ANKRD37: variants seen among roughly 807,000 people sequenced by gnomAD.
The protein encoded by ANKRD37 is ankyrin repeat domain 37.
In ANKRD37, 17 loss-of-function variants were observed where a neutral mutation model predicts 19.7. The observed-to-expected ratio is 0.86, with a 90% CI of 0.59 to 1.29. The LOEUF is 1.29. Among genes scored for constraint, ANKRD37 ranks in the 50% most tolerant of loss-of-function variants. The pLI, the probability that ANKRD37 is intolerant of heterozygous loss-of-function variation, is 0.00. For missense variants in ANKRD37, 207 were observed against 190.4 expected (o/e 1.09, Z -0.51); for synonymous variants, 79 against 74.5 (o/e 1.06, Z -0.31).
intron 2 of ANKRD37, 120 bp from the exon 3 acceptor site, chr4:185,398,817 C>A: frequency 6.7e-5 from 30 of 447,422 alleles, no homozygotes; most frequent in Middle Eastern, 3.4e-4. Flanking sequence ...AAAAAAAATT[C>A]CCTGTCCAGT....
rs2126866811 is a variant in ANKRD37, at chr4:185,396,932, G to A, written c.9G>A (p.Leu3=). The change falls in exon 1 of 5, where the codon TTG becomes TTA. Residue 3 remains leucine (L), a synonymous_variant. Coordinates refer to ENST00000335174, the MANE Select transcript of ANKRD37 (RefSeq NM_181726.4). The stretch of plus-strand genomic sequence containing the variant: ...TCTGCCTTAGGCGGGAAATGCTGTT[G>A]CTGGATTGCAACCCCGAGGTGAGAT... ML[L]LDCNPEVDGL... 2 of 1,613,624 alleles carry A rather than the reference G, an allele frequency of 1.2e-6. No individual in the cohort carries two copies. The highest frequency in any genetic ancestry group is 1.7e-6 in the Non-Finnish European group (2 of 1,180,030).
chr4:185,400,159 T>A lies in ANKRD37; in HGVS notation c.*142T>A. On this transcript the variant is annotated 3_prime_UTR_variant, in exon 5 of 5. Transcript: ENST00000335174. Reference sequence around the variant, plus strand: ...ACTTTCTTCCAAGTGAAGATCCATTTAAGAACACATGTATTTACATGCCTA... The same window carrying A: ...ACTTTCTTCCAAGTGAAGATCCATTAAAGAACACATGTATTTACATGCCTA... 1.2e-6 allele frequency: 1 copy of A among 812,282 alleles called. No individual in the cohort carries two copies. Among genetic ancestry groups the A allele is most frequent in the Non-Finnish European group, 1.9e-6 (1 of 516,366 alleles). 50.3% of individuals were successfully genotyped at this position (812,282 alleles called of 1,614,324 possible).
chr4:185,397,002 C>T (rs984801009), intron 1 of ANKRD37, 52 bp downstream of exon 1: 1 of 1,611,728 alleles, frequency 6.2e-7, no homozygotes, highest in African/African-American at 1.3e-5. Context: ...GCTCAAGCTT[C>T]TAGATTCGTC....
rs570110224 is a variant in ANKRD37 at position 185,398,453 on chromosome 4, A to G, written c.181-484A>G. On this transcript the variant is annotated intron_variant, in intron 2 of 4. Transcript: ENST00000335174. Reference sequence around the variant, plus strand: ...AAGCATAGTACATTTCTATGTTTCAAATTAGCCCATGGAGTTGGCTATCCC... The same window carrying G: ...AAGCATAGTACATTTCTATGTTTCAGATTAGCCCATGGAGTTGGCTATCCC... Among the ~76,000 whole-genome samples the G allele has an allele frequency of 4.6e-5, 7 of 152,366 alleles. 1 individual carries two copies. In the South Asian group the frequency reaches 1.2e-3, roughly 27 times the overall value.
At chr4:185,398,839 C>A in intron 2 of ANKRD37, 98 bp from the exon 3 acceptor site, 23 of 794,854 alleles carry the variant, frequency 2.9e-5, no homozygotes, top group African/African-American at 5.3e-5. Flanking sequence ...CAATGCAGTT[C>A]TAACTAGCTT....
chr4:185,400,486 G>A, downstream of ANKRD37: 4 of 1,604,088 alleles, frequency 2.5e-6, no homozygotes, highest in Non-Finnish European at 3.4e-6. Context: ...GCCCTGGATA[G>A]AGAAGACGGG....
intron 2 of ANKRD37, among the ~76,000 whole-genome samples, chr4:185,397,883 T>C (rs1256343244): frequency 1.3e-5 from 2 of 152,278 alleles, no homozygotes; most frequent in Non-Finnish European, 2.9e-5. Flanking sequence ...TAAAGCATGG[T>C]GAATTTTAAA....
In ANKRD37 at chr4:185,400,204, G is replaced by A; in HGVS notation, c.*187G>A. ...TGCCTATAATATGCTGGTTGTGTAT[G>A]CTTTGTCTTTTAAGTTATTAAAGGA... On this transcript the variant is annotated 3_prime_UTR_variant, in exon 5 of 5. Coordinates refer to ENST00000335174, the MANE Select transcript of ANKRD37 (RefSeq NM_181726.4). 1.4e-6 allele frequency: 1 copy of A among 703,010 alleles called. No homozygotes were observed. Among genetic ancestry groups the A allele is most frequent in the Non-Finnish European group, 2.3e-6 (1 of 429,388 alleles). The allele number at this position is 703,010 out of a possible 1,614,324, so 43.5% of individuals were successfully genotyped here.
chr4:185,397,001 T>A (rs2095505250), intron 1 of ANKRD37, 51 bp downstream of exon 1: 1 of 1,611,684 alleles, frequency 6.2e-7, no homozygotes, highest in African/African-American at 1.3e-5. Flanking sequence ...GGCTCAAGCT[T>A]CTAGATTCGT....
rs770063120 is a variant in ANKRD37 at position 185,396,927 on chromosome 4, C to G, written c.4C>G (p.Leu2Val). The G allele has an allele frequency of 2.7e-5, 44 of 1,613,510 alleles. No homozygotes were observed. Among genetic ancestry groups the G allele is most frequent in the South Asian group, 4.4e-5 (4 of 91,088 alleles). Residue 2 changes from leucine to valine, a missense_variant, in exon 1 of 5, where the codon CTG (leucine) becomes GTG (valine). By Grantham distance (32) the Leu-to-Val change is conservative. Coordinates refer to ENST00000335174, the MANE Select transcript of ANKRD37 (RefSeq NM_181726.4). M[L>V]LLDCNPEVDG... The stretch of plus-strand genomic sequence containing the variant: ...TGTCATCTGCCTTAGGCGGGAAATG[C>G]TGTTGCTGGATTGCAACCCCGAGGT...
Position 185,396,861 on chromosome 4 carries a change from G to A in ANKRD37, c.-63G>A. 4 of 1,557,874 alleles carry A rather than the reference G, an allele frequency of 2.6e-6. No homozygotes were observed. Among genetic ancestry groups the A allele is most frequent in the South Asian group, 2.2e-5 (2 of 90,034 alleles). The stretch of plus-strand genomic sequence containing the variant: ...AGCCTGCGCATTCTTACCTGTCGGG[G>A]TGCGGCGAGTGTCTCACCTCTCTGC... On this transcript the variant is annotated 5_prime_UTR_variant, in exon 1 of 5. The change creates a new upstream start codon in the 5' untranslated region. Coordinates refer to ENST00000335174, the MANE Select transcript of ANKRD37 (RefSeq NM_181726.4).
At chr4:185,400,470 G>A (rs375981304), downstream of ANKRD37, 44 of 1,612,490 alleles carry the variant, frequency 2.7e-5, 1 homozygote, top group East Asian at 6.0e-4. Context: ...CCTTCCATCC[G>A]CACCAGCCCT....
chr4:185,399,316 C>A (rs2095510215), intron 3 of ANKRD37, among the ~76,000 whole-genome samples: 1 of 152,122 alleles, frequency 6.6e-6, no homozygotes, highest in South Asian at 2.1e-4. Context: ...CATTGACTAC[C>A]TTTGGGTACT....
In ANKRD37 at chr4:185,396,893, A is replaced by G; in HGVS notation, c.-31A>G. On this transcript the variant is annotated 5_prime_UTR_variant, in exon 1 of 5. Coordinates refer to ENST00000335174, the MANE Select transcript of ANKRD37 (RefSeq NM_181726.4). ...GAGTGTCTCACCTCTCTGCACTTCC[A>G]AGGACTCTTGTCATCTGCCTTAGGC... 4 of 1,612,606 alleles carry G rather than the reference A, an allele frequency of 2.5e-6. No homozygotes were observed. Among genetic ancestry groups the G allele is most frequent in the Non-Finnish European group, 2.5e-6 (3 of 1,179,862 alleles).
Position 185,397,266 on chromosome 4 carries a change from C to G in ANKRD37, c.144C>G (p.Leu48=), listed in dbSNP as rs780649180. The change falls in exon 2 of 5, where the codon CTC becomes CTG. Residue 48 remains leucine, a synonymous_variant. Transcript: ENST00000335174. The part of the protein sequence containing the change: ...AAGSGLACFL[L]WQLQTGADLN... ...GAAGCGGCCTTGCTTGCTTTCTTCT[C>G]TGGCAGCTGCAAACGGGCGCTGACC... is the stretch of plus-strand genomic sequence containing the variant. 1 of 1,614,004 alleles carries G rather than the reference C, an allele frequency of 6.2e-7. No individual in the cohort carries two copies. The highest frequency in any genetic ancestry group is 8.5e-7 in the Non-Finnish European group (1 of 1,180,042).
At chr4:185,397,511 GC>G in intron 2 of ANKRD37, 1 of 592,288 alleles carries the variant, frequency 1.7e-6, no homozygotes, top group African/African-American at 1.9e-5. Flanking sequence ...TTTTTAAGTA[GC>G]CACATTAATA....
rs1175950377 is a variant in ANKRD37, at chr4:185,397,372, G to T, written c.180+70G>T. The T allele has an allele frequency of 7.7e-6, 12 of 1,552,590 alleles. No homozygotes were observed. The Admixed American group carries it at 1.9e-4, about 24-fold the overall frequency. ...AGACACACACAAACATTTCTCAGAC[G>T]CCAAGAGTTGTTTCAGCTGTTAAAA... On this transcript the variant is annotated intron_variant, in intron 2 of 4. Transcript: ENST00000335174.
In ANKRD37 at chr4:185,396,928, T is replaced by A. The variant is rs532006092; in HGVS notation, c.5T>A (p.Leu2Gln). 1 of 1,613,722 alleles carries A rather than the reference T, an allele frequency of 6.2e-7. No individual in the cohort carries two copies. Among genetic ancestry groups the A allele is most frequent in the Non-Finnish European group, 8.5e-7 (1 of 1,180,036 alleles). The change falls in exon 1 of 5, where the codon CTG becomes CAG. Residue 2 changes from leucine to glutamine, a missense_variant. Leu to Gln is a moderately radical substitution (Grantham distance 113). Transcript: ENST00000335174. M[L>Q]LLDCNPEVDG... ...GTCATCTGCCTTAGGCGGGAAATGCTGTTGCTGGATTGCAACCCCGAGGTG... is the reference window on the plus strand; with the variant it reads ...GTCATCTGCCTTAGGCGGGAAATGCAGTTGCTGGATTGCAACCCCGAGGTG...
At position 185,400,099 on chromosome 4, in the gene ANKRD37, T is replaced by C. The variant is rs966370189; in HGVS notation, c.*82T>C. 2 of 1,308,326 alleles carry C rather than the reference T, an allele frequency of 1.5e-6. No homozygotes were observed. The highest frequency in any genetic ancestry group is 1.3e-5 in the South Asian group (1 of 77,392). The allele number at this position is 1,308,326 out of a possible 1,614,324, so 81.0% of individuals were successfully genotyped here. On this transcript the variant is annotated 3_prime_UTR_variant, in exon 5 of 5. Transcript: ENST00000335174. ...AGCTCCTGCTTTTGGCTTTACCATA[T>C]GTTGTGTCTAATCTCCTTCTGAGAA...
Sources: allele counts gnomAD v4.1 joint callset (sites outside exome capture counted in the v4.1 genomes callset), GRCh38; gene constraint gnomAD v4.1.1; transcripts MANE v1.5; gene names NCBI Gene and HGNC (gene_info 2026-07-23, HGNC 2026-07-21).